Variants in MMS19 observed in about 807,000 individuals in gnomAD.
The protein encoded by MMS19 is MMS19 cytosolic iron-sulfur assembly component, also known as MMS19 nucleotide excision repair protein homolog.
A neutral mutation model predicts 129.8 loss-of-function variants in MMS19; 77 were observed. That is an observed-to-expected ratio of 0.59 (90% CI 0.49 to 0.72). MMS19 has a LOEUF of 0.72. MMS19 is among the 30% of genes least tolerant of loss of function. MMS19 has a pLI of 0.00. For synonymous variants in MMS19, 491 were observed against 502.8 expected, an observed-to-expected ratio of 0.98 and a Z score of 0.31; for missense variants, 1,168 against 1,266.3, an observed-to-expected ratio of 0.92 and a Z score of 1.18.
Position 97,460,978 on chromosome 10 carries a change from C to G in MMS19, c.2341G>C (p.Ala781Pro). The change falls in exon 24 of 31, where the codon GCT becomes CCT. Residue 781 changes from alanine (A) to proline (P), a missense_variant. By Grantham distance (27) the Ala-to-Pro change is conservative. This residue lies in a region of MMS19 where 831 missense variants were observed against 910.8 expected (regional missense o/e 0.91). Coordinates refer to ENST00000438925, the MANE Select transcript of MMS19 (RefSeq NM_022362.5). ...AGGCCAGCCTCCACTTTGTCCACAG[C>G]TAGCTGTAGGAATTCATCCAGCTGC... ...GQQLDEFLQL[A>P]VDKVEAGLGS... 2 of 1,569,146 alleles carry G rather than the reference C, an allele frequency of 1.3e-6. No homozygotes were observed. The highest frequency in any genetic ancestry group is 1.7e-6 in the Non-Finnish European group (2 of 1,156,272).
chr10:97,493,576 C>A (rs1244189385), intron 1 of MMS19, among the ~76,000 whole-genome samples: 2 of 152,092 alleles, frequency 1.3e-5, no homozygotes, highest in Non-Finnish European at 2.9e-5. Context: ...ATAAAACAAT[C>A]ACAGTGTAAC....
In MMS19 at chr10:97,463,163, GT is replaced by G. The variant is rs11369236; in HGVS notation, c.1913-482del. On this transcript the variant is annotated intron_variant, in intron 19 of 30. Transcript: ENST00000438925. ...TCCTTACCAACTACCCTGTGAAACAGTTTTTTTTTTTTTTTTTTTTGAGACA... is the reference window on the plus strand; with the variant it reads ...TCCTTACCAACTACCCTGTGAAACAGTTTTTTTTTTTTTTTTTTTGAGACA... 9.2e-3 allele frequency among the ~76,000 whole-genome samples: 1,194 copies of G among 129,218 alleles called. 9 individuals carry two copies. Among genetic ancestry groups the G allele is most frequent in the African/African-American group, 0.023 (791 of 34,776 alleles). 84.8% of individuals were successfully genotyped at this position (129,218 alleles called of 152,430 possible). A position where few individuals can be genotyped will look rare whatever the true frequency, so the allele number is the denominator to read the frequency against.
At chr10:97,469,940 T>G (rs1354752728) in intron 10 of MMS19, among the ~76,000 whole-genome samples, 189 bp downstream of exon 10, 1 of 152,086 alleles carries the variant, frequency 6.6e-6, no homozygotes, top group Non-Finnish European at 1.5e-5. Context: ...TTTCCTCAGT[T>G]ACTATGGGAT....
In MMS19 at chr10:97,498,327, C is replaced by G; in HGVS notation, c.58G>C (p.Val20Leu). Residue 20 changes from valine (V) to leucine (L), a missense_variant, in exon 1 of 31, where the codon GTG (valine) becomes CTG (leucine). Val to Leu is a conservative substitution (Grantham distance 32). Transcript: ENST00000438925. ...AAPMGALWGL[V>L]HDFVVGQQEG... Reference sequence around the variant, plus strand: ...TGCTGACCCACGACGAAGTCGTGCACGAGGCCCCATAGGGCACCCATAGGC... The same window carrying G: ...TGCTGACCCACGACGAAGTCGTGCAGGAGGCCCCATAGGGCACCCATAGGC... 6.3e-7 allele frequency: 1 copy of G among 1,574,876 alleles called. No homozygotes were observed. Among genetic ancestry groups the G allele is most frequent in the Non-Finnish European group, 8.6e-7 (1 of 1,167,486 alleles).
Position 97,462,119 on chromosome 10 carries a change from C to G in MMS19, c.2013G>C (p.Glu671Asp). ...TGTGTGTCACACTCTGGGCAGCTAACCTGGGGGCAGAGTACTAGGTATGAC... is the reference window on the plus strand; with the variant it reads ...TGTGTGTCACACTCTGGGCAGCTAAGCTGGGGGCAGAGTACTAGGTATGAC... ...IGTATTHLSP[E>D]LAAQSVTHIV... The change falls in exon 21 of 31, where the codon GAG (glutamate) becomes GAC (aspartate). Residue 671 changes from glutamate to aspartate, a missense_variant and splice_region_variant. Around this residue, in one of 3 missense-constraint regions of MMS19, gnomAD observed 831 missense variants for 910.8 expected, o/e 0.91. Coordinates refer to ENST00000438925, the MANE Select transcript of MMS19 (RefSeq NM_022362.5). 8.3e-6 allele frequency: 13 copies of G among 1,570,722 alleles called. No homozygotes were observed. Among genetic ancestry groups the G allele is most frequent in the Non-Finnish European group, 1.1e-5 (13 of 1,157,160 alleles).
At chr10:97,466,383 C>A (rs2033492132) in intron 16 of MMS19, 121 bp downstream of exon 16, 1 of 852,176 alleles carries the variant, frequency 1.2e-6, no homozygotes, top group Non-Finnish European at 2.0e-6. Flanking sequence ...TAACACAGAG[C>A]TCACCTCCCC....
At chr10:97,463,067 T>G (rs184910120) in intron 19 of MMS19, 38 of 218,878 alleles carry the variant, frequency 1.7e-4, no homozygotes, top group African/African-American at 5.8e-4. Flanking sequence ...TCATGGGTCC[T>G]TATTATTTAT....
intron 1 of MMS19, among the ~76,000 whole-genome samples, chr10:97,486,890 T>TATATATATATATATAA (rs1318882121): frequency 7.2e-5 from 9 of 124,604 alleles, no homozygotes; most frequent in Admixed American, 2.5e-4. Context: ...TATATATATA[T>TATATATATATATATAA]ATATAAAATT....
chr10:97,465,228 C>CT (rs2033180029), intron 18 of MMS19, among the ~76,000 whole-genome samples: 1 of 150,984 alleles, frequency 6.6e-6, no homozygotes, highest in Admixed American at 6.6e-5. Context: ...TCTCAAACTC[C>CT]TGACCTTGTG....
At chr10:97,472,155 GA>G (rs1180659050) in intron 8 of MMS19, among the ~76,000 whole-genome samples, 1 of 152,028 alleles carries the variant, frequency 6.6e-6, no homozygotes, top group Non-Finnish European at 1.5e-5. Context: ...AGTTTATAGA[GA>G]GGAAGAAAAA....
chr10:97,496,253 T>C (rs1224467232), intron 1 of MMS19, among the ~76,000 whole-genome samples: 2 of 152,314 alleles, frequency 1.3e-5, no homozygotes, highest in South Asian at 2.1e-4. Flanking sequence ...CAGTGGCTCA[T>C]GCCTGTAATC....
chr10:97,468,971 A>G lies in MMS19; in HGVS notation c.1058T>C (p.Leu353Pro). The G allele has an allele frequency of 6.3e-7, 1 of 1,588,608 alleles. No homozygotes were observed. Among genetic ancestry groups the G allele is most frequent in the Non-Finnish European group, 8.6e-7 (1 of 1,167,062 alleles). Residue 353 changes from leucine to proline, a missense_variant, in exon 12 of 31, where the codon CTA becomes CCA. Transcript: ENST00000438925. ...GGCTGCCACGGCCCCATTACCCTGTAGAATGTTGCTAAGGAAGGAGTCAAG... is the reference window on the plus strand; with the variant it reads ...GGCTGCCACGGCCCCATTACCCTGTGGAATGTTGCTAAGGAAGGAGTCAAG... ...DLLDSFLSNI[L>P]QDCRHHLCEP...
At chr10:97,487,964 T>C (rs1406233958) in intron 1 of MMS19, among the ~76,000 whole-genome samples, 4 of 152,078 alleles carry the variant, frequency 2.6e-5, no homozygotes, top group Admixed American at 6.6e-5. Flanking sequence ...GGCGCATGCC[T>C]GTAAATCCCA....
intron 19 of MMS19, chr10:97,462,935 A>T: frequency 2.6e-6 from 1 of 388,784 alleles, no homozygotes; most frequent in Admixed American, 4.3e-5. Context: ...GGAAAGAGGG[A>T]TAGCTAAGAT....
upstream of MMS19, chr10:97,498,602 A>T: frequency 1.8e-6 from 1 of 545,284 alleles, no homozygotes; most frequent in Non-Finnish European, 3.2e-6. Flanking sequence ...ACGCAGCCGG[A>T]GGCGATTGAG....
chr10:97,470,793 A>G lies in MMS19; in HGVS notation c.753T>C (p.Ser251=), dbSNP rs1307492373. ...LILSLRAVLA[S]TPRFAEFLLP... ...GACCCACCTCAGCAAATCGTGGTGT[A>G]GAAGCCAGCACAGCGCGAAGACTCA... is the stretch of plus-strand genomic sequence containing the variant. Residue 251 remains serine (S), a synonymous_variant, in exon 9 of 31, where the codon TCT becomes TCC. Coordinates refer to ENST00000438925, the MANE Select transcript of MMS19 (RefSeq NM_022362.5). 1 of 1,613,332 alleles carries G rather than the reference A, an allele frequency of 6.2e-7. No individual in the cohort carries two copies. Among genetic ancestry groups the G allele is most frequent in the Admixed American group, 1.7e-5 (1 of 59,990 alleles).
chr10:97,464,078 ACAG>A, intron 18 of MMS19, 65 bp from the exon 19 acceptor site: 1 of 1,448,170 alleles, frequency 6.9e-7, no homozygotes, highest in Non-Finnish European at 9.5e-7. Context: ...TTCCAATTAC[ACAG>A]CAGATGAGAG....
At position 97,458,669 on chromosome 10, in the gene MMS19, C is replaced by G. The variant is rs747840943; in HGVS notation, c.*23G>C. On this transcript the variant is annotated 3_prime_UTR_variant, in exon 31 of 31. Transcript: ENST00000438925. Reference sequence around the variant, plus strand: ...GTAATCCCAGGTTAGATTGTCAGAACAGTCTAGGCCAGGACTGAGGGCTCA... The same window carrying G: ...GTAATCCCAGGTTAGATTGTCAGAAGAGTCTAGGCCAGGACTGAGGGCTCA... 6 of 1,597,640 alleles carry G rather than the reference C, an allele frequency of 3.8e-6. No homozygotes were observed. Among genetic ancestry groups the G allele is most frequent in the Non-Finnish European group, 5.1e-6 (6 of 1,172,004 alleles).
chr10:97,468,202 A>G, intron 13 of MMS19, 50 bp downstream of exon 13: 1 of 1,463,380 alleles, frequency 6.8e-7, no homozygotes, highest in Admixed American at 2.3e-5. Flanking sequence ...TGAGAAAGGG[A>G]ACCTAGCACA....
Sources: gnomAD v4.1 joint callset for allele counts (sites outside exome capture counted in the v4.1 genomes callset) on GRCh38, gnomAD v4.1.1 for gene constraint, gnomAD v4.1.1 regional missense constraint, MANE v1.5 for transcripts, NCBI Gene and HGNC (gene_info 2026-07-23, HGNC 2026-07-21) for gene names.